Variants in RUNX2 observed in about 807,000 individuals in gnomAD.
RUNX2 encodes the protein runt-related transcription factor 2.
A neutral mutation model predicts 51.7 loss-of-function variants in RUNX2; 10 were observed. The ratio of observed to expected loss-of-function variants is 0.19; its 90% CI spans 0.12 to 0.33. The LOEUF is 0.33. Among genes scored for constraint, RUNX2 ranks in the 10% least tolerant of loss-of-function variants. RUNX2 has a pLI of 1.00. For missense variants in RUNX2, 562 were observed against 691.3 expected (o/e 0.81, Z 2.10); for synonymous variants, 276 against 273.6 (o/e 1.01, Z -0.09).
chr6:45,354,327 G>A (rs1274170260), intron 2 of RUNX2, among the ~76,000 whole-genome samples: 1 of 152,074 alleles, frequency 6.6e-6, no homozygotes, highest in African/African-American at 2.4e-5. Flanking sequence ...TCACAATATA[G>A]CAGGTGAAAG....
intron 2 of RUNX2, among the ~76,000 whole-genome samples, chr6:45,389,496 C>T (rs764410090): frequency 1.3e-5 from 2 of 152,140 alleles, no homozygotes; most frequent in Non-Finnish European, 2.9e-5. Flanking sequence ...ATGTAGAAAT[C>T]CATATTTGTA....
At chr6:45,542,888 T>G (rs1362544255) in intron 7 of RUNX2, among the ~76,000 whole-genome samples, 1 of 152,162 alleles carries the variant, frequency 6.6e-6, no homozygotes, top group African/African-American at 2.4e-5. Flanking sequence ...TGGCTTCTTT[T>G]CTCTAGATAC....
intron 2 of RUNX2, among the ~76,000 whole-genome samples, chr6:45,340,996 T>A (rs558441111): frequency 1.3e-5 from 2 of 152,330 alleles, no homozygotes; most frequent in South Asian, 4.1e-4. Context: ...CTTTAACTTC[T>A]AATTATAATT....
chr6:45,381,244 A>G (rs193115337), intron 2 of RUNX2, among the ~76,000 whole-genome samples: 1 of 152,344 alleles, frequency 6.6e-6, no homozygotes, highest in East Asian at 1.9e-4. Flanking sequence ...AAGTCACTTA[A>G]CATCATTGCA....
chr6:45,399,780 AGGG>A (rs1797665387), intron 2 of RUNX2, among the ~76,000 whole-genome samples: 2 of 143,902 alleles, frequency 1.4e-5, no homozygotes. Flanking sequence ...GGAGGGAGGG[AGGG>A]AGGAAAGGAG....
intron 2 of RUNX2, among the ~76,000 whole-genome samples, chr6:45,383,126 T>G (rs530719487): frequency 6.6e-6 from 1 of 152,260 alleles, no homozygotes; most frequent in African/African-American, 2.4e-5. Flanking sequence ...TCTTTAATGT[T>G]TTGCCATCAA....
rs1017888494 is a variant in RUNX2 at position 45,505,761 on chromosome 6, A to T, written c.860-6485A>T. 4.6e-4 allele frequency among the ~76,000 whole-genome samples: 70 copies of T among 152,204 alleles called. 1 individual carries two copies. Among genetic ancestry groups the T allele is most frequent in the Non-Finnish European group, 1.5e-5 (1 of 68,030 alleles). Reference sequence around the variant, plus strand: ...ATGTTTTGTGGTTTATAGGATGGAAAGCAGATGCAACCACTCTCCAAGAAG... The same window carrying T: ...ATGTTTTGTGGTTTATAGGATGGAATGCAGATGCAACCACTCTCCAAGAAG... On this transcript the variant is annotated intron_variant, in intron 6 of 8. Coordinates refer to ENST00000647337, the MANE Select transcript of RUNX2 (RefSeq NM_001024630.4).
chr6:45,424,737 T>C (rs1428355724), intron 3 of RUNX2, among the ~76,000 whole-genome samples: 3 of 152,080 alleles, frequency 2.0e-5, no homozygotes, highest in Non-Finnish European at 2.9e-5. Context: ...CTAGGACTTA[T>C]ATCAGAACAG....
At chr6:45,334,164 A>G (rs1436987058) in intron 2 of RUNX2, among the ~76,000 whole-genome samples, 2 of 151,242 alleles carry the variant, frequency 1.3e-5, no homozygotes, top group Non-Finnish European at 3.0e-5. Context: ...CTAAAAAGGT[A>G]TATCTAAATA....
intron 5 of RUNX2, among the ~76,000 whole-genome samples, chr6:45,479,654 A>G (rs1247044656): frequency 1.3e-5 from 2 of 152,182 alleles, no homozygotes; most frequent in South Asian, 2.1e-4. Context: ...ATTTTGCCAA[A>G]CTGTCATTAT....
At chr6:45,423,715 T>C (rs1798302746) in intron 3 of RUNX2, among the ~76,000 whole-genome samples, 3 of 152,140 alleles carry the variant, frequency 2.0e-5, no homozygotes, top group Non-Finnish European at 4.4e-5. Context: ...GGGCGTTTGC[T>C]CTGTTCGCTG....
At chr6:45,425,533 C>A (rs1182098383) in intron 3 of RUNX2, among the ~76,000 whole-genome samples, 1 of 152,118 alleles carries the variant, frequency 6.6e-6, no homozygotes, top group Non-Finnish European at 1.5e-5. Flanking sequence ...AACCTACAAC[C>A]TGACTGTCAA....
intron 7 of RUNX2, among the ~76,000 whole-genome samples, chr6:45,542,547 C>T (rs952689827): frequency 3.9e-5 from 6 of 152,186 alleles, no homozygotes; most frequent in African/African-American, 1.4e-4. Context: ...GTCTCATTCA[C>T]ATGTTGCCCT....
At chr6:45,537,131 A>G (rs754492510) in intron 7 of RUNX2, among the ~76,000 whole-genome samples, 2 of 152,212 alleles carry the variant, frequency 1.3e-5, no homozygotes, top group Non-Finnish European at 2.9e-5. Context: ...TACCTAAGGA[A>G]TATAAAACAT....
chr6:45,534,185 A>G (rs924751347), intron 7 of RUNX2, among the ~76,000 whole-genome samples: 5 of 151,730 alleles, frequency 3.3e-5, no homozygotes, highest in African/African-American at 4.8e-5. Context: ...CTGAGCCACC[A>G]CGCCCAGACC....
At chr6:45,490,138 G>A (rs1800418091) in intron 5 of RUNX2, among the ~76,000 whole-genome samples, 1 of 152,170 alleles carries the variant, frequency 6.6e-6, no homozygotes, top group Non-Finnish European at 1.5e-5. Flanking sequence ...TTCTACCTCT[G>A]CAGGCCTCAG....
chr6:45,495,675 A>T (rs1321816461), intron 6 of RUNX2, among the ~76,000 whole-genome samples: 2 of 152,196 alleles, frequency 1.3e-5, no homozygotes, highest in African/African-American at 4.8e-5. Context: ...GATCATGGTT[A>T]TATAGTCCCC....
intron 2 of RUNX2, chr6:45,377,393 T>C (rs981146504): frequency 2.0e-5 from 3 of 152,254 alleles, no homozygotes; most frequent in African/African-American, 7.2e-5. Flanking sequence ...CGCCGTGCCA[T>C]AAAGCAACAA....
chr6:45,523,373 C>G (rs111603111), intron 7 of RUNX2, among the ~76,000 whole-genome samples: 120 of 152,116 alleles, frequency 7.9e-4, no homozygotes, highest in Middle Eastern at 3.4e-3. Context: ...TCAAGCGATT[C>G]CCCTAACTCA....
Sources: allele counts gnomAD v4.1 joint callset (sites outside exome capture counted in the v4.1 genomes callset), GRCh38; gene constraint gnomAD v4.1.1; transcripts MANE v1.5; gene names NCBI Gene and HGNC (gene_info 2026-07-23, HGNC 2026-07-21).